FGL1: variants seen among roughly 807,000 people sequenced by gnomAD.
FGL1 encodes the protein fibrinogen-like protein 1.
A neutral mutation model predicts 43.7 loss-of-function variants in FGL1; 59 were observed. The observed-to-expected ratio is 1.35, with a 90% confidence interval of 1.10 to 1.68. The LOEUF (loss-of-function observed/expected upper bound fraction) is 1.68. FGL1 is among the 40% of genes most tolerant of loss of function. The pLI is 0.00. For missense variants in FGL1, 596 were observed against 373.0 expected (o/e 1.60, Z -4.92); for synonymous variants, 192 against 126.5 (o/e 1.52, Z -3.48).
intron 1 of FGL1, among the ~76,000 whole-genome samples, chr8:17,890,330 C>G (rs970194034): frequency 3.3e-5 from 5 of 152,324 alleles, no homozygotes; most frequent in African/African-American, 1.2e-4. Context: ...CATTCACCGA[C>G]AAAGCTTTAC....
In FGL1 at chr8:17,881,138, ATTT is replaced by A. The variant is rs34570292; in HGVS notation, c.244+858_244+860del. On this transcript the variant is annotated intron_variant, in intron 3 of 7. Coordinates refer to ENST00000427924, the MANE Select transcript of FGL1 (RefSeq NM_004467.4). ...ATTGTAATCTGCCATGTGTACACGG[ATTT>A]TTTTTTTTTTTTTGAGACAGAGTCT... 6.4e-3 allele frequency among the ~76,000 whole-genome samples: 913 copies of A among 142,898 alleles called. 16 individuals are homozygous for A. Among genetic ancestry groups the A allele is most frequent in the African/African-American group, 0.02 (730 of 36,864 alleles). 93.7% of individuals were successfully genotyped at this position (142,898 alleles called of 152,430 possible). A position where few individuals can be genotyped will look rare whatever the true frequency, so the allele number is the denominator to read the frequency against.
At chr8:17,894,883 A>T (rs577472928) in intron 1 of FGL1, among the ~76,000 whole-genome samples, 2 of 145,276 alleles carry the variant, frequency 1.4e-5, no homozygotes, top group Non-Finnish European at 3.0e-5. Context: ...TAACATTATT[A>T]TACATAATTA....
intron 1 of FGL1, among the ~76,000 whole-genome samples, chr8:17,892,826 A>AT (rs111567890): frequency 6.6e-6 from 1 of 152,118 alleles, no homozygotes; most frequent in Non-Finnish European, 1.5e-5. Flanking sequence ...TTGTTGAAAA[A>AT]TTTTTTTATT....
chr8:17,864,623 C>T lies in FGL1; in HGVS notation c.908G>A (p.Arg303Lys), dbSNP rs2053241295. 6.2e-7 allele frequency: 1 copy of T among 1,609,824 alleles called. No homozygotes were observed. The highest frequency in any genetic ancestry group is 1.3e-5 in the African/African-American group (1 of 74,664). Residue 303 changes from arginine (R) to lysine (K), a missense_variant, in exon 8 of 8, where the codon AGG (arginine) becomes AAG (lysine). Coordinates refer to ENST00000427924, the MANE Select transcript of FGL1 (RefSeq NM_004467.4). ...TACATTTGGAATAAAATCATTTGGC[C>T]TAATTTTCATAACCACAGATTTCAG... ...YSLKSVVMKI[R>K]PNDFIPNVI is the part of the protein sequence containing the mutation.
intron 3 of FGL1, among the ~76,000 whole-genome samples, chr8:17,880,192 A>G (rs2053514217): frequency 6.6e-6 from 1 of 152,114 alleles, no homozygotes. Context: ...TCTGATCTCT[A>G]AGGGCCAGAG....
intron 1 of FGL1, among the ~76,000 whole-genome samples, chr8:17,889,160 A>G (rs949891771): frequency 2.0e-5 from 3 of 152,186 alleles, no homozygotes; most frequent in Non-Finnish European, 4.4e-5. Flanking sequence ...CATCAAGGGG[A>G]CAAGGGCTAT....
chr8:17,894,561 T>C lies in FGL1; in HGVS notation c.-18+886A>G, dbSNP rs979348066. ...AGTTTTTTGACTTCTGAAGTGAAAA[T>C]TGTCATATAGTCCATTTTATTTTTA... is the stretch of plus-strand genomic sequence containing the variant. On this transcript the variant is annotated intron_variant, in intron 1 of 7. Transcript: ENST00000427924. 4.1e-5 allele frequency among the ~76,000 whole-genome samples: 6 copies of C among 147,118 alleles called. No homozygotes were observed. The East Asian group carries it at 7.7e-4, about 19-fold the overall frequency.
At chr8:17,876,718 A>C (rs1312727368) in intron 3 of FGL1, among the ~76,000 whole-genome samples, 2 of 152,204 alleles carry the variant, frequency 1.3e-5, no homozygotes, top group Non-Finnish European at 2.9e-5. Context: ...CCTACCAAAG[A>C]GCTGAATACT....
intron 3 of FGL1, among the ~76,000 whole-genome samples, chr8:17,878,865 G>T (rs1056459416): frequency 5.3e-5 from 8 of 151,300 alleles, no homozygotes; most frequent in Non-Finnish European, 8.8e-5. Flanking sequence ...CATAAACTTT[G>T]AGGTGAACAA....
chr8:17,878,179 T>C (rs1050142680), intron 3 of FGL1, among the ~76,000 whole-genome samples: 1 of 152,138 alleles, frequency 6.6e-6, no homozygotes, highest in Non-Finnish European at 1.5e-5. Flanking sequence ...CTTGAAATCC[T>C]GGCCTCAAGT....
rs550964587 is a variant in FGL1 at position 17,885,827 on chromosome 8, T to C, written c.-17-256A>G. The C allele has an allele frequency of 3.1e-5, 13 of 422,302 alleles. No homozygotes were observed. The East Asian group carries it at 4.5e-4, about 14-fold the overall frequency. The allele number at this position is 422,302 out of a possible 1,614,324, so 26.2% of individuals were successfully genotyped here. A position where few individuals can be genotyped will look rare whatever the true frequency, so the allele number is the denominator to read the frequency against. On this transcript the variant is annotated intron_variant, in intron 1 of 7. Coordinates refer to ENST00000427924, the MANE Select transcript of FGL1 (RefSeq NM_004467.4). ...TTCTTTTCGCTATCCTAATGTGCTG[T>C]TTGTGTTATGCTGTGGAAAGGCACA...
intron 4 of FGL1, 62 bp from the exon 5 acceptor site, chr8:17,874,178 C>CCA: frequency 7.1e-7 from 1 of 1,402,440 alleles, no homozygotes; most frequent in Non-Finnish European, 1.0e-6. Context: ...AAAGCGACCA[C>CCA]CACCCACCCC....
intron 3 of FGL1, among the ~76,000 whole-genome samples, chr8:17,875,531 CTT>C (rs1418702696): frequency 0.019 from 237 of 12,206 alleles, 30 homozygotes; most frequent in African/African-American, 0.053. Context: ...TTCTTTCTTT[CTT>C]TCTCTTTCTT....
At chr8:17,887,492 G>A (rs750059195) in intron 1 of FGL1, among the ~76,000 whole-genome samples, 7 of 152,074 alleles carry the variant, frequency 4.6e-5, no homozygotes, top group Non-Finnish European at 7.4e-5. Flanking sequence ...TACAACACTG[G>A]GCAGAAATTC....
At chr8:17,890,402 G>T (rs2053687566) in intron 1 of FGL1, among the ~76,000 whole-genome samples, 1 of 152,110 alleles carries the variant, frequency 6.6e-6, no homozygotes, top group Admixed American at 6.6e-5. Flanking sequence ...GCCTGTTCTG[G>T]CTACATTGGC....
rs145238244 is a variant in FGL1 at position 17,882,103 on chromosome 8, T to G, written c.140A>C (p.Gln47Pro). The change falls in exon 3 of 8, where the codon CAA becomes CCA. Residue 47 changes from glutamine to proline, a missense_variant. Gln to Pro is a moderately conservative substitution (Grantham distance 76, BLOSUM62 -1). Transcript: ENST00000427924. ...VRLLETRVKQ[Q>P]QVKIKQLLQE... ...CAAAAGCTGCTTGATCTTGACCTGT[T>G]GCTGTTTGACCCGGGTCTCAAGCAG... is the stretch of plus-strand genomic sequence containing the variant. 7.4e-6 allele frequency: 12 copies of G among 1,614,070 alleles called. No individual in the cohort carries two copies. The highest frequency in any genetic ancestry group is 8.5e-6 in the Non-Finnish European group (10 of 1,179,994).
intron 7 of FGL1, 61 bp downstream of exon 7, chr8:17,868,487 T>G (rs2053304363): frequency 8.0e-7 from 1 of 1,246,940 alleles, no homozygotes; most frequent in Non-Finnish European, 1.1e-6. Context: ...ATATTGATAA[T>G]TAATGTCTAT....
chr8:17,893,495 T>C (rs955765864), intron 1 of FGL1, among the ~76,000 whole-genome samples: 11 of 150,834 alleles, frequency 7.3e-5, no homozygotes, highest in African/African-American at 2.4e-4. Context: ...AATAAAGGGC[T>C]AATGAAATTT....
chr8:17,872,748 G>A (rs1293099546), intron 5 of FGL1, among the ~76,000 whole-genome samples: 1 of 152,150 alleles, frequency 6.6e-6, no homozygotes, highest in East Asian at 1.9e-4. Context: ...ATGGATTGGA[G>A]CAAAAGAACA....
Sources: allele counts gnomAD v4.1 joint callset (sites outside exome capture counted in the v4.1 genomes callset), GRCh38; gene constraint gnomAD v4.1.1; transcripts MANE v1.5; gene names NCBI Gene and HGNC (gene_info 2026-07-23, HGNC 2026-07-21).